Variants in NCKAP5 observed in about 807,000 individuals in gnomAD.
NCKAP5 encodes nck-associated protein 5.
In NCKAP5, 92 loss-of-function variants were observed where a neutral mutation model predicts 167.0. The observed-to-expected ratio is 0.55, with a 90% CI of 0.47 to 0.66. NCKAP5 has a LOEUF of 0.66. NCKAP5 is among the 30% of genes least tolerant of loss of function. The probability of loss-of-function intolerance (pLI) is 0.00; values close to 1 mark genes in which losing one functional copy is unlikely to be tolerated. For missense variants in NCKAP5, 2,378 were observed against 2,315.0 expected, an observed-to-expected ratio of 1.03 and a Z score of -0.56; for synonymous variants, 891 against 877.4, an observed-to-expected ratio of 1.02 and a Z score of -0.27.
chr2:133,627,745 C>A, the NCKAP5 span, among the ~76,000 whole-genome samples: 1 of 152,154 alleles, frequency 6.6e-6, no homozygotes, highest in African/African-American at 2.4e-5. Flanking sequence ...ACTGTATATG[C>A]TCAGAGGCAA....
At position 132,877,162 on chromosome 2, in the gene NCKAP5, C is replaced by T. The variant is rs973775767; in HGVS notation, c.648+1686G>A. On this transcript the variant is annotated intron_variant, in intron 9 of 19. Transcript: ENST00000409261. ...CCACGAGCCCAGGGAGCAGTGAGGGCTGCTGAACTGGCCTCACTAGACTCT... is the reference window on the plus strand; with the variant it reads ...CCACGAGCCCAGGGAGCAGTGAGGGTTGCTGAACTGGCCTCACTAGACTCT... Among the ~76,000 whole-genome samples, 4 of 152,296 alleles carry T rather than the reference C, an allele frequency of 2.6e-5. No homozygotes were observed. In the Middle Eastern group the frequency reaches 0.014, roughly 518 times the overall value.
the NCKAP5 span, among the ~76,000 whole-genome samples, chr2:133,574,830 C>T: frequency 6.6e-6 from 1 of 152,056 alleles, no homozygotes; most frequent in East Asian, 1.9e-4. Flanking sequence ...GGAAAGTCAA[C>T]AGAAATGGCA....
At chr2:133,317,182 A>C (rs1272765898) in intron 3 of NCKAP5, among the ~76,000 whole-genome samples, 1 of 152,202 alleles carries the variant, frequency 6.6e-6, no homozygotes, top group African/African-American at 2.4e-5. Flanking sequence ...GTCATAAAGC[A>C]TTCTGGAAGT....
intron 6 of NCKAP5, among the ~76,000 whole-genome samples, chr2:133,052,317 A>T (rs1263893650): frequency 6.6e-6 from 1 of 152,224 alleles, no homozygotes; most frequent in Non-Finnish European, 1.5e-5. Flanking sequence ...ACATTCTGAC[A>T]CCAAAGCTGA....
At chr2:133,253,807 G>A (rs1012963504) in intron 4 of NCKAP5, among the ~76,000 whole-genome samples, 1 of 152,180 alleles carries the variant, frequency 6.6e-6, no homozygotes, top group African/African-American at 2.4e-5. Context: ...TCAAATGTGA[G>A]AAAGTGTCAT....
chr2:132,698,633 G>A (rs1687564138), intron 19 of NCKAP5, among the ~76,000 whole-genome samples: 2 of 152,126 alleles, frequency 1.3e-5, no homozygotes, highest in Non-Finnish European at 2.9e-5. Context: ...AGGAGATCAA[G>A]ACTATCCTGG....
chr2:133,302,983 A>G, intron 4 of NCKAP5, 54 bp downstream of exon 4: 1 of 1,230,664 alleles, frequency 8.1e-7, no homozygotes, highest in Non-Finnish European at 1.2e-6. Context: ...TAGATCAGCA[A>G]AGCTATAAAG....
At chr2:133,309,662 G>A (rs1020469291) in intron 3 of NCKAP5, among the ~76,000 whole-genome samples, 2 of 152,142 alleles carry the variant, frequency 1.3e-5, no homozygotes, top group Non-Finnish European at 2.9e-5. Flanking sequence ...CAATTAGTAT[G>A]AAACATTTAA....
intron 6 of NCKAP5, among the ~76,000 whole-genome samples, chr2:133,022,691 A>C (rs2078567691): frequency 1.3e-5 from 2 of 152,152 alleles, no homozygotes; most frequent in South Asian, 4.1e-4. Flanking sequence ...ATCCCCTCGG[A>C]AGATGGTAAT....
intron 19 of NCKAP5, among the ~76,000 whole-genome samples, chr2:132,683,042 C>T (rs962286029): frequency 5.3e-5 from 8 of 151,952 alleles, no homozygotes; most frequent in Admixed American, 2.6e-4. Flanking sequence ...CACCTCCATG[C>T]CTGGCTAATT....
Position 133,370,442 on chromosome 2 carries a change from C to T in NCKAP5, c.70-67332G>A, listed in dbSNP as rs184180541. On this transcript the variant is annotated intron_variant, in intron 3 of 19. Transcript: ENST00000409261. ...GAAATCTGGGGAATTATACCGTGCC[C>T]TTGATTGATACCAATGAGGTGCCTC... Among the ~76,000 whole-genome samples the T allele has an allele frequency of 7.7e-4, 117 of 152,228 alleles. 3 individuals carry two copies. In the Middle Eastern group the frequency reaches 0.027, roughly 35 times the overall value.
chr2:133,615,172 C>A, the NCKAP5 span, among the ~76,000 whole-genome samples: 1 of 152,162 alleles, frequency 6.6e-6, no homozygotes, highest in South Asian at 2.1e-4. Context: ...AAAGGAAAAA[C>A]CGGTACCAGC....
chr2:133,113,942 A>C lies in NCKAP5; in HGVS notation c.341+16036T>G, dbSNP rs375419501. ...GGGCCAAAATGGAACTCCAAGGACTATGAGAATGCCATGCTTGATTCGGCC... is the reference window on the plus strand; with the variant it reads ...GGGCCAAAATGGAACTCCAAGGACTCTGAGAATGCCATGCTTGATTCGGCC... On this transcript the variant is annotated intron_variant, in intron 6 of 19. Coordinates refer to ENST00000409261, the MANE Select transcript of NCKAP5 (RefSeq NM_207363.3). Among the ~76,000 whole-genome samples, 3 of 152,330 alleles carry C rather than the reference A, an allele frequency of 2.0e-5. No individual in the cohort carries two copies. In the East Asian group the frequency reaches 5.8e-4, roughly 29 times the overall value.
intron 5 of NCKAP5, among the ~76,000 whole-genome samples, chr2:133,169,205 A>G (rs550258363): frequency 1.3e-5 from 2 of 152,318 alleles, no homozygotes; most frequent in South Asian, 4.2e-4. Context: ...GCCAAAGTAC[A>G]CTGCAGTAAA....
chr2:132,913,318 A>T (rs541525624), intron 8 of NCKAP5, among the ~76,000 whole-genome samples: 11 of 152,204 alleles, frequency 7.2e-5, no homozygotes, highest in African/African-American at 2.4e-4. Flanking sequence ...TCTTTACACC[A>T]TGTCATGGAT....
At chr2:133,647,553 A>G in the NCKAP5 span, among the ~76,000 whole-genome samples, 3 of 139,120 alleles carry the variant, frequency 2.2e-5, no homozygotes, top group East Asian at 2.2e-4. Context: ...GGGAGGGAGG[A>G]AGGGAGGGAA....
intron 16 of NCKAP5, among the ~76,000 whole-genome samples, chr2:132,746,944 C>A (rs1679695401): frequency 6.6e-6 from 1 of 152,042 alleles, no homozygotes; most frequent in Non-Finnish European, 1.5e-5. Flanking sequence ...ATAAAGCAGA[C>A]CAGTGGTTCC....
chr2:133,312,282 C>T (rs376211057), intron 3 of NCKAP5, among the ~76,000 whole-genome samples: 1 of 152,118 alleles, frequency 6.6e-6, no homozygotes, highest in African/African-American at 2.4e-5. Flanking sequence ...AGACTAATGC[C>T]GATCAGACTA....
At chr2:133,246,562 C>T (rs1003482162) in intron 4 of NCKAP5, among the ~76,000 whole-genome samples, 4 of 152,118 alleles carry the variant, frequency 2.6e-5, no homozygotes, top group African/African-American at 9.7e-5. Context: ...GTGTGGGCAA[C>T]GTAAGGAATA....
Sources: allele counts gnomAD v4.1 joint callset (sites outside exome capture counted in the v4.1 genomes callset), GRCh38; gene constraint gnomAD v4.1.1; transcripts MANE v1.5; gene names NCBI Gene and HGNC (gene_info 2026-07-23, HGNC 2026-07-21).